The following PDE4B variants were observed in gnomAD, a reference collection of about 807,000 sequenced individuals.
PDE4B encodes 3',5'-cyclic-AMP phosphodiesterase 4B.
A neutral mutation model predicts 82.2 loss-of-function variants in PDE4B; 20 were observed. The ratio of observed to expected loss-of-function variants is 0.24; its 90% confidence interval spans 0.17 to 0.35. PDE4B has a LOEUF of 0.35. Ranked by LOEUF, PDE4B falls within the 10% of genes least tolerant of loss-of-function variation. The pLI, the probability that PDE4B is intolerant of heterozygous loss-of-function variation, is 1.00. For synonymous variants in PDE4B, 320 were observed against 318.9 expected (o/e 1.00, Z -0.04); for missense variants, 655 against 907.2 (o/e 0.72, Z 3.57).
intron 3 of PDE4B, among the ~76,000 whole-genome samples, chr1:65,977,571 G>C (rs1650473809): frequency 1.3e-5 from 2 of 151,990 alleles, no homozygotes; most frequent in South Asian, 4.2e-4. Flanking sequence ...TGTACTTTTT[G>C]TACTTTGTGC....
At chr1:65,886,980 CCCA>C (rs1340160286) in intron 1 of PDE4B, among the ~76,000 whole-genome samples, 1 of 152,080 alleles carries the variant, frequency 6.6e-6, no homozygotes, top group Non-Finnish European at 1.5e-5. Flanking sequence ...AATTTACATT[CCCA>C]CCAACAGTGT....
At chr1:65,833,405 C>T (rs1210882891) in intron 1 of PDE4B, among the ~76,000 whole-genome samples, 3 of 152,124 alleles carry the variant, frequency 2.0e-5, no homozygotes, top group Non-Finnish European at 4.4e-5. Context: ...TGTAGAACCT[C>T]TAAAGCATAA....
At position 65,867,213 on chromosome 1, in the gene PDE4B, G is replaced by A. The variant is rs1204190510; in HGVS notation, c.-70-46032G>A. On this transcript the variant is annotated intron_variant, in intron 1 of 16. Transcript: ENST00000341517. Reference sequence around the variant, plus strand: ...TTAAAAGCCCCTTAGGAACACAAAGGGACATTTAAATGAGACGATAAGGAC... The same window carrying A: ...TTAAAAGCCCCTTAGGAACACAAAGAGACATTTAAATGAGACGATAAGGAC... Among the ~76,000 whole-genome samples, 4 of 151,932 alleles carry A rather than the reference G, an allele frequency of 2.6e-5. No homozygotes were observed. In the East Asian group the frequency reaches 7.7e-4, roughly 29 times the overall value.
chr1:66,266,274 G>A, intron 7 of PDE4B, 187 bp downstream of exon 7: 1 of 611,530 alleles, frequency 1.6e-6, no homozygotes, highest in Non-Finnish European at 2.9e-6. Flanking sequence ...CACATTAAAA[G>A]CAGTACTAAA....
At chr1:66,260,406 A>G (rs1474784649) in intron 6 of PDE4B, among the ~76,000 whole-genome samples, 1 of 152,182 alleles carries the variant, frequency 6.6e-6, no homozygotes, top group Non-Finnish European at 1.5e-5. Context: ...GAACTTATGG[A>G]ATAGATGAAG....
At chr1:66,371,232 G>A (rs2050769999) in intron 16 of PDE4B, among the ~76,000 whole-genome samples, 1 of 150,950 alleles carries the variant, frequency 6.6e-6, no homozygotes, top group African/African-American at 2.4e-5. Flanking sequence ...TGTTAATAAA[G>A]GAAAGTTTCC....
chr1:66,053,073 C>T (rs1016352689), intron 3 of PDE4B, among the ~76,000 whole-genome samples: 2 of 152,174 alleles, frequency 1.3e-5, no homozygotes, highest in Non-Finnish European at 2.9e-5. Context: ...ACATGTTCTA[C>T]AGTATATGGC....
rs570058720 is a variant in PDE4B at position 65,961,943 on chromosome 1, C to T, written c.281+43108C>T. The stretch of plus-strand genomic sequence containing the variant: ...GTGCGGCTGAAGAGTCTGTAGCATG[C>T]GATTTAACACAGATGCTTCTCCACT... On this transcript the variant is annotated intron_variant, in intron 3 of 16. Transcript: ENST00000341517. Among the ~76,000 whole-genome samples the T allele has an allele frequency of 4.6e-5, 7 of 152,182 alleles. No individual in the cohort carries two copies. The South Asian group carries it at 6.2e-4, about 14-fold the overall frequency.
chr1:66,224,675 T>A (rs1293288392), intron 3 of PDE4B, among the ~76,000 whole-genome samples: 1 of 152,176 alleles, frequency 6.6e-6, no homozygotes, highest in East Asian at 1.9e-4. Context: ...GCCGAGATTG[T>A]GCCATTGCAC....
At chr1:65,917,699 A>C (rs926345912) in intron 2 of PDE4B, among the ~76,000 whole-genome samples, 3 of 152,218 alleles carry the variant, frequency 2.0e-5, no homozygotes, top group African/African-American at 7.2e-5. Flanking sequence ...GCATTAGGGC[A>C]TGTACTTGAA....
intron 3 of PDE4B, among the ~76,000 whole-genome samples, chr1:66,194,959 C>T (rs1648163716): frequency 6.6e-6 from 1 of 152,068 alleles, no homozygotes; most frequent in Admixed American, 6.6e-5. Flanking sequence ...AATTGTGAGT[C>T]ATTACCATTA....
At chr1:66,367,585 T>C (rs1033180415) in intron 13 of PDE4B, 111 bp from the exon 14 acceptor site, 7 of 818,782 alleles carry the variant, frequency 8.5e-6, no homozygotes, top group East Asian at 5.3e-5. Flanking sequence ...ATGTAGCTGG[T>C]GGTTCTTGAA....
intron 1 of PDE4B, among the ~76,000 whole-genome samples, chr1:65,818,685 C>CATATATATATAT (rs58193032): frequency 0.025 from 3,547 of 143,630 alleles, 46 homozygotes; most frequent in South Asian, 0.04. Context: ...CACACACACA[C>CATATATATATAT]ATATATATAT....
chr1:65,812,666 A>G (rs1398004991), intron 1 of PDE4B, among the ~76,000 whole-genome samples: 2 of 152,166 alleles, frequency 1.3e-5, no homozygotes, highest in Non-Finnish European at 1.5e-5. Flanking sequence ...TGAACTACAT[A>G]GATAATGCTG....
intron 1 of PDE4B, among the ~76,000 whole-genome samples, chr1:65,856,793 C>A (rs939395512): frequency 6.6e-6 from 1 of 152,190 alleles, no homozygotes; most frequent in African/African-American, 2.4e-5. Context: ...TACATTCCAA[C>A]CAACAGTCAA....
chr1:65,924,955 A>G (rs1647418673), intron 3 of PDE4B, among the ~76,000 whole-genome samples: 1 of 152,210 alleles, frequency 6.6e-6, no homozygotes, highest in Admixed American at 6.5e-5. Context: ...ACTTTTATAT[A>G]TTCTGTTCAT....
chr1:66,074,209 T>C (rs1656303865), intron 3 of PDE4B, among the ~76,000 whole-genome samples: 1 of 152,138 alleles, frequency 6.6e-6, no homozygotes, highest in Non-Finnish European at 1.5e-5. Flanking sequence ...CATCTGCACA[T>C]TTATAATGGT....
intron 3 of PDE4B, among the ~76,000 whole-genome samples, chr1:66,163,636 ATTATAATATACC>A (rs1402277197): frequency 6.6e-6 from 1 of 152,220 alleles, no homozygotes; most frequent in Non-Finnish European, 1.5e-5. Flanking sequence ...AGACACATTT[ATTATAATATACC>A]TTAACAAAAC....
intron 3 of PDE4B, among the ~76,000 whole-genome samples, chr1:65,951,609 T>C (rs1311166741): frequency 2.0e-5 from 3 of 152,110 alleles, no homozygotes; most frequent in African/African-American, 4.8e-5. Context: ...AGCATACTGC[T>C]GAGTGAATAG....
Sources: gnomAD v4.1 joint callset for allele counts (sites outside exome capture counted in the v4.1 genomes callset) on GRCh38, gnomAD v4.1.1 for gene constraint, MANE v1.5 for transcripts, NCBI Gene and HGNC (gene_info 2026-07-23, HGNC 2026-07-21) for gene names.